Variants in DGKG observed in about 807,000 individuals in gnomAD.
DGKG encodes the protein diacylglycerol kinase gamma, also known as DAG kinase gamma.
Under a neutral mutation model 105.3 loss-of-function variants are expected in DGKG, and 78 were observed. The ratio of observed to expected loss-of-function variants is 0.74; its 90% confidence interval spans 0.62 to 0.89. The LOEUF is 0.89. DGKG is among the 40% of genes least tolerant of loss of function. DGKG has a pLI of 0.00. For missense variants in DGKG, 958 were observed against 1,020.1 expected (o/e 0.94, Z 0.83); for synonymous variants, 346 against 367.1 (o/e 0.94, Z 0.66).
chr3:186,278,259 G>C (rs572382174), intron 9 of DGKG, among the ~76,000 whole-genome samples: 19 of 150,526 alleles, frequency 1.3e-4, no homozygotes, highest in African/African-American at 4.4e-4. Flanking sequence ...TTCCCTAAAT[G>C]AGAAAAAAAA....
intron 23 of DGKG, among the ~76,000 whole-genome samples, chr3:186,162,210 A>G (rs1164721647): frequency 6.6e-6 from 1 of 152,130 alleles, no homozygotes; most frequent in African/African-American, 2.4e-5. Flanking sequence ...CTGTGTTTTA[A>G]TAAGCACTAC....
At chr3:186,266,410 G>T (rs1303770355) in intron 13 of DGKG, among the ~76,000 whole-genome samples, 1 of 152,064 alleles carries the variant, frequency 6.6e-6, no homozygotes, top group Non-Finnish European at 1.5e-5. Flanking sequence ...CATTTAACTT[G>T]TTTCCAGTTT....
intron 19 of DGKG, among the ~76,000 whole-genome samples, chr3:186,248,426 C>G (rs1020238222): frequency 1.3e-5 from 2 of 152,236 alleles, no homozygotes; most frequent in Admixed American, 1.3e-4. Context: ...TATTTCAGTT[C>G]CGGCTTCCAT....
rs138888743 is a variant in DGKG, at chr3:186,225,078, T to C, written c.1827-13193A>G. Among the ~76,000 whole-genome samples, 560 of 152,214 alleles carry C rather than the reference T, an allele frequency of 3.7e-3. 10 individuals are homozygous for C. The highest frequency in any genetic ancestry group is 0.013 in the African/African-American group (538 of 41,550). On this transcript the variant is annotated intron_variant, in intron 20 of 24. Coordinates refer to ENST00000265022, the MANE Select transcript of DGKG (RefSeq NM_001346.3). The stretch of plus-strand genomic sequence containing the variant: ...TTCTTTCTGAATCATTTCTTTCTTT[T>C]TTTTTTTAATGTATTTTATTTACTT...
chr3:186,250,815 G>C (rs937925551), intron 19 of DGKG, among the ~76,000 whole-genome samples: 12 of 152,104 alleles, frequency 7.9e-5, no homozygotes, highest in Non-Finnish European at 1.2e-4. Context: ...CTCCCAAAGT[G>C]CTGGGATTGC....
At chr3:186,238,259 G>A (rs1720511092) in intron 20 of DGKG, among the ~76,000 whole-genome samples, 1 of 126,296 alleles carries the variant, frequency 7.9e-6, no homozygotes, top group Admixed American at 1.0e-4. Context: ...TCACACCACT[G>A]CACTCCAGGC....
chr3:186,360,449 T>C (rs1727174922), intron 1 of DGKG, among the ~76,000 whole-genome samples: 2 of 152,208 alleles, frequency 1.3e-5, no homozygotes, highest in Non-Finnish European at 2.9e-5. Flanking sequence ...TTGGCTTAGT[T>C]GCAGCCGTTT....
chr3:186,207,923 C>T (rs569095923), intron 21 of DGKG, among the ~76,000 whole-genome samples: 1 of 152,354 alleles, frequency 6.6e-6, no homozygotes, highest in Admixed American at 6.5e-5. Context: ...GTCCAGTTGG[C>T]CCAGTTGGCC....
At position 186,179,703 on chromosome 3, in the gene DGKG, C is replaced by A. The variant is rs116604133; in HGVS notation, c.2095+8499G>T. Among the ~76,000 whole-genome samples, 178 of 152,316 alleles carry A rather than the reference C, an allele frequency of 1.2e-3. 2 individuals carry two copies. Among genetic ancestry groups the A allele is most frequent in the African/African-American group, 4.2e-3 (174 of 41,578 alleles). ...CCTAACCTGGCAGAGTCTAGCAAGT[C>A]AGATCCCGCCAGATGCCATGAGAGG... On this transcript the variant is annotated intron_variant, in intron 22 of 24. Transcript: ENST00000265022.
Position 186,280,639 on chromosome 3 carries a change from C to G in DGKG, c.669+31G>C, listed in dbSNP as rs975503945. ...CCCCCTCCCGTCTTAGAAGCTCACTCCAAAGCCACCCCATCCTTATAGAAA... is the reference window on the plus strand; with the variant it reads ...CCCCCTCCCGTCTTAGAAGCTCACTGCAAAGCCACCCCATCCTTATAGAAA... On this transcript the variant is annotated intron_variant, in intron 8 of 24. Coordinates refer to ENST00000265022, the MANE Select transcript of DGKG (RefSeq NM_001346.3). 1.9e-6 allele frequency: 3 copies of G among 1,590,946 alleles called. No homozygotes were observed. In the African/African-American group the frequency reaches 4.0e-5, roughly 21 times the overall value.
intron 1 of DGKG, among the ~76,000 whole-genome samples, chr3:186,350,194 A>G (rs1726560897): frequency 6.6e-6 from 1 of 152,146 alleles, no homozygotes; most frequent in South Asian, 2.1e-4. Context: ...TCAGCCTTCC[A>G]CAGAACTTTT....
intron 11 of DGKG, among the ~76,000 whole-genome samples, chr3:186,269,782 G>T (rs1384256054): frequency 1.3e-5 from 2 of 152,218 alleles, no homozygotes; most frequent in Non-Finnish European, 2.9e-5. Context: ...GGAGCTGGTT[G>T]TATCTGCTCC....
At chr3:186,257,640 G>T in intron 17 of DGKG, 1 of 490,244 alleles carries the variant, frequency 2.0e-6, no homozygotes, top group East Asian at 3.7e-5. Flanking sequence ...AAACTAAACT[G>T]TTACCTCCGT....
At chr3:186,184,667 T>C (rs1717534605) in intron 22 of DGKG, among the ~76,000 whole-genome samples, 1 of 152,162 alleles carries the variant, frequency 6.6e-6, no homozygotes, top group Non-Finnish European at 1.5e-5. Flanking sequence ...CCCAAAGTGC[T>C]GGGATTACAG....
At chr3:186,310,726 A>G (rs1230300725) in intron 2 of DGKG, among the ~76,000 whole-genome samples, 1 of 152,236 alleles carries the variant, frequency 6.6e-6, no homozygotes, top group Non-Finnish European at 1.5e-5. Flanking sequence ...TACCAGCACT[A>G]GATTCAGAGG....
At chr3:186,356,089 A>T (rs1156988582) in intron 1 of DGKG, among the ~76,000 whole-genome samples, 1 of 152,254 alleles carries the variant, frequency 6.6e-6, no homozygotes, top group African/African-American at 2.4e-5. Flanking sequence ...GTTGAAAAAG[A>T]TGAAGAAATA....
intron 6 of DGKG, among the ~76,000 whole-genome samples, chr3:186,285,396 G>C (rs1255684256): frequency 6.6e-6 from 1 of 152,124 alleles, no homozygotes; most frequent in African/African-American, 2.4e-5. Context: ...ATAATGCTAT[G>C]GGGTAGTTAT....
At chr3:186,164,696 T>C (rs922460981) in intron 23 of DGKG, among the ~76,000 whole-genome samples, 3 of 152,230 alleles carry the variant, frequency 2.0e-5, no homozygotes, top group African/African-American at 7.2e-5. Flanking sequence ...CTGGTTGTGG[T>C]GTGTCCTCCA....
chr3:186,201,893 G>A (rs1413995893), intron 21 of DGKG, among the ~76,000 whole-genome samples: 1 of 152,202 alleles, frequency 6.6e-6, no homozygotes, highest in Non-Finnish European at 1.5e-5. Flanking sequence ...TGATAGATAT[G>A]CCAAGTCCTG....
Sources: allele counts gnomAD v4.1 joint callset (sites outside exome capture counted in the v4.1 genomes callset), GRCh38; gene constraint gnomAD v4.1.1; transcripts MANE v1.5; gene names NCBI Gene and HGNC (gene_info 2026-07-23, HGNC 2026-07-21).